The following MGAT4C variants were observed in gnomAD, a reference collection of about 807,000 sequenced individuals.
MGAT4C encodes the protein alpha-1,3-mannosyl-glycoprotein 4-beta-N-acetylglucosaminyltransferase C.
MGAT4C carries 19 observed loss-of-function variants against 40.1 expected under a neutral mutation model. The ratio of observed to expected loss-of-function variants is 0.47; its 90% CI spans 0.33 to 0.70. The LOEUF (loss-of-function observed/expected upper bound fraction) is 0.70, where lower values mean the gene tolerates loss of function less well. Ranked by LOEUF, MGAT4C falls within the 30% of genes least tolerant of loss-of-function variation. The pLI is 0.02. For missense variants in MGAT4C, 491 were observed against 563.2 expected (o/e 0.87, Z 1.30); for synonymous variants, 181 against 187.1 (o/e 0.97, Z 0.27).
intron 2 of MGAT4C, among the ~76,000 whole-genome samples, chr12:86,587,029 T>C (rs1183740474): frequency 2.0e-5 from 3 of 152,118 alleles, no homozygotes; most frequent in Admixed American, 6.6e-5. Flanking sequence ...TCCTTGTCCA[T>C]GCCTATGTCC....
chr12:86,109,645 AT>A (rs1157273515), intron 1 of MGAT4C, among the ~76,000 whole-genome samples: 1 of 152,066 alleles, frequency 6.6e-6, no homozygotes, highest in Non-Finnish European at 1.5e-5. Context: ...TATTTATGGT[AT>A]AATCCTAGGT....
intron 2 of MGAT4C, among the ~76,000 whole-genome samples, chr12:86,025,597 T>C (rs1015165783): frequency 4.0e-5 from 6 of 151,710 alleles, no homozygotes; most frequent in African/African-American, 1.2e-4. Context: ...ATAGGGAAAA[T>C]AGGCTATTAA....
intron 3 of MGAT4C, among the ~76,000 whole-genome samples, chr12:86,424,818 A>C (rs1262835715): frequency 6.6e-6 from 1 of 152,188 alleles, no homozygotes; most frequent in African/African-American, 2.4e-5. Flanking sequence ...GTGCAGTGGT[A>C]GGACCCCGGC....
intron 2 of MGAT4C, among the ~76,000 whole-genome samples, chr12:86,618,468 A>C (rs78886500): frequency 0.12 from 18,012 of 152,186 alleles, 1,754 homozygotes; most frequent in African/African-American, 0.27. Flanking sequence ...GTGGTGTATA[A>C]ATACACAACT....
chr12:86,384,796 C>G (rs1307461417), intron 3 of MGAT4C, among the ~76,000 whole-genome samples: 1 of 152,202 alleles, frequency 6.6e-6, no homozygotes, highest in Non-Finnish European at 1.5e-5. Flanking sequence ...GTCTCACACT[C>G]TGTGTAAGTT....
rs950526553 is a variant in MGAT4C at position 85,956,882 on chromosome 12, G to A, written c.*22407C>T. ...TGTTTGAAGTAACCTTGCTTGGGAA[G>A]CTTTGTTGAATTGACACAAGCACAG... On this transcript the variant is annotated 3_prime_UTR_variant, in exon 5 of 5. Transcript: ENST00000611864. 1 of 141,800 alleles carries A rather than the reference G, an allele frequency of 7.1e-6. No homozygotes were observed. The highest frequency in any genetic ancestry group is 1.6e-5 in the Non-Finnish European group (1 of 62,386). The allele number at this position is 141,800 out of a possible 1,614,324, so 8.8% of individuals were successfully genotyped here. A position where few individuals can be genotyped will look rare whatever the true frequency, so the allele number is the denominator to read the frequency against.
chr12:86,440,394 T>C (rs1480279226), intron 2 of MGAT4C, among the ~76,000 whole-genome samples: 2 of 152,044 alleles, frequency 1.3e-5, no homozygotes, highest in Admixed American at 6.6e-5. Flanking sequence ...ATAATCTCAA[T>C]AGACATAGAA....
At chr12:86,639,740 A>G (rs1045881661) in intron 2 of MGAT4C, among the ~76,000 whole-genome samples, 1 of 151,738 alleles carries the variant, frequency 6.6e-6, no homozygotes, top group Non-Finnish European at 1.5e-5. Flanking sequence ...AAATCATTTA[A>G]ATGCTGTATA....
chr12:86,131,463 A>G (rs566580024), intron 1 of MGAT4C, among the ~76,000 whole-genome samples: 20 of 152,244 alleles, frequency 1.3e-4, no homozygotes, highest in Non-Finnish European at 2.6e-4. Context: ...TCTGAATAAT[A>G]GCTGATACAC....
At chr12:86,286,553 A>C (rs1301287103) in intron 4 of MGAT4C, among the ~76,000 whole-genome samples, 1 of 152,138 alleles carries the variant, frequency 6.6e-6, no homozygotes, top group Non-Finnish European at 1.5e-5. Context: ...TATTCATGAC[A>C]GTTTATAGTT....
intron 1 of MGAT4C, among the ~76,000 whole-genome samples, chr12:86,747,708 G>A (rs1356454006): frequency 2.6e-5 from 4 of 151,282 alleles, no homozygotes; most frequent in African/African-American, 7.3e-5. Context: ...CATGTCTTTC[G>A]CTGTCTAAAG....
rs1190405609 is a variant in MGAT4C at position 85,961,264 on chromosome 12, A to T, written c.*18025T>A. 2.0e-5 allele frequency: 3 copies of T among 151,840 alleles called. No individual in the cohort carries two copies. The highest frequency in any genetic ancestry group is 4.4e-5 in the Non-Finnish European group (3 of 67,798). The allele number at this position is 151,840 out of a possible 1,614,324, so 9.4% of individuals were successfully genotyped here. ...AGCCTCGAAACACTGAACTTTTTAC[A>T]GTCTTATTGGAGAGAAAAACACATT... On this transcript the variant is annotated 3_prime_UTR_variant, in exon 5 of 5. Coordinates refer to ENST00000611864, the MANE Select transcript of MGAT4C (RefSeq NM_001351288.2).
intron 2 of MGAT4C, among the ~76,000 whole-genome samples, chr12:86,436,821 T>C (rs913560558): frequency 1.3e-5 from 2 of 151,808 alleles, no homozygotes; most frequent in African/African-American, 4.8e-5. Flanking sequence ...GACCTTTTCC[T>C]ATGCCTAATT....
chr12:86,477,804 T>C (rs891617084), intron 2 of MGAT4C, among the ~76,000 whole-genome samples: 2 of 152,060 alleles, frequency 1.3e-5, no homozygotes, highest in African/African-American at 4.8e-5. Flanking sequence ...GTCCAAGTGT[T>C]ATCATTGTTC....
intron 3 of MGAT4C, among the ~76,000 whole-genome samples, chr12:86,372,424 T>TA (rs1565713080): frequency 6.6e-6 from 1 of 151,894 alleles, no homozygotes; most frequent in Non-Finnish European, 1.5e-5. Context: ...ACTAATACTT[T>TA]AAAATCACAT....
intron 2 of MGAT4C, among the ~76,000 whole-genome samples, chr12:86,020,807 G>A (rs1889635448): frequency 6.6e-6 from 1 of 152,106 alleles, no homozygotes; most frequent in Non-Finnish European, 1.5e-5. Flanking sequence ...GCAACCTACA[G>A]AATGGAAGAA....
At chr12:86,690,914 T>G (rs192485359) in intron 2 of MGAT4C, among the ~76,000 whole-genome samples, 1 of 152,322 alleles carries the variant, frequency 6.6e-6, no homozygotes, top group East Asian at 1.9e-4. Context: ...ATTTTTAACC[T>G]GTTTGCATAA....
intron 1 of MGAT4C, among the ~76,000 whole-genome samples, chr12:86,216,641 T>G (rs574503098): frequency 3.9e-5 from 6 of 152,324 alleles, no homozygotes; most frequent in African/African-American, 1.2e-4. Context: ...ATTGCCAAAT[T>G]AAAATGTAAA....
chr12:86,451,920 C>A (rs1262692018), intron 2 of MGAT4C, among the ~76,000 whole-genome samples: 1 of 152,068 alleles, frequency 6.6e-6, no homozygotes, highest in Non-Finnish European at 1.5e-5. Context: ...ATGTATTAAT[C>A]ATAATTGTTT....
Sources: allele counts gnomAD v4.1 joint callset (sites outside exome capture counted in the v4.1 genomes callset), GRCh38; gene constraint gnomAD v4.1.1; transcripts MANE v1.5; gene names NCBI Gene and HGNC (gene_info 2026-07-23, HGNC 2026-07-21).